ANKRD45: variants seen among roughly 807,000 people sequenced by gnomAD.
The protein encoded by ANKRD45 is ankyrin repeat domain 45, also known as ankyrin repeat domain-containing protein 45.
A neutral mutation model predicts 28.1 loss-of-function variants in ANKRD45; 21 were observed. That is an observed-to-expected ratio of 0.75 (90% confidence interval 0.53 to 1.08). The LOEUF is 1.08. Among genes scored for constraint, ANKRD45 ranks in the 50% least tolerant of loss-of-function variants. ANKRD45 has a pLI of 0.00. For missense variants in ANKRD45, 261 were observed against 308.7 expected, an observed-to-expected ratio of 0.85 and a Z score of 1.16; for synonymous variants, 86 against 103.9, an observed-to-expected ratio of 0.83 and a Z score of 1.05.
intron 3 of ANKRD45, among the ~76,000 whole-genome samples, chr1:173,640,777 T>C (rs1571735928): frequency 6.6e-6 from 1 of 152,206 alleles, no homozygotes. Context: ...GAGACACCAA[T>C]TGTCTGCTCC....
chr1:173,613,286 T>A (rs1571675444), intron 5 of ANKRD45, among the ~76,000 whole-genome samples: 1 of 147,966 alleles, frequency 6.8e-6, no homozygotes, highest in East Asian at 2.1e-4. Flanking sequence ...GGCCGCCCCG[T>A]CTGAGAAGCG....
chr1:173,623,263 G>C (rs761936949), intron 5 of ANKRD45, among the ~76,000 whole-genome samples: 1 of 151,694 alleles, frequency 6.6e-6, no homozygotes, highest in African/African-American at 2.4e-5. Context: ...CAGTGGAGGC[G>C]GGGGTTGCAG....
intron 2 of ANKRD45, among the ~76,000 whole-genome samples, chr1:173,655,208 C>T (rs191747302): frequency 2.6e-5 from 4 of 152,022 alleles, no homozygotes; most frequent in South Asian, 2.1e-4. Flanking sequence ...CTTTTCTGCT[C>T]GGTTTCTCCC....
intron 1 of ANKRD45, among the ~76,000 whole-genome samples, chr1:173,666,171 G>A (rs1433371859): frequency 1.3e-5 from 2 of 152,144 alleles, no homozygotes; most frequent in African/African-American, 4.8e-5. Flanking sequence ...TTCAAGCTGG[G>A]CATCTACCTT....
chr1:173,674,543 C>T (rs13313018), upstream of ANKRD45, among the ~76,000 whole-genome samples: 2,113 of 152,118 alleles, frequency 0.014, 53 homozygotes, highest in African/African-American at 0.049. Flanking sequence ...TGGTTTTATA[C>T]GTTTTAAGAA....
upstream of ANKRD45, among the ~76,000 whole-genome samples, chr1:173,673,957 C>T (rs540986661): frequency 6.6e-6 from 1 of 152,246 alleles, no homozygotes; most frequent in African/African-American, 2.4e-5. Flanking sequence ...TGGTTTTCAC[C>T]TGCTGGTCCC....
At position 173,609,348 on chromosome 1, in the gene ANKRD45, C is replaced by A. The variant is rs1388059185; in HGVS notation, c.*797G>T. 1.3e-5 allele frequency among the ~76,000 whole-genome samples: 2 copies of A among 152,302 alleles called. No homozygotes were observed. Among genetic ancestry groups the A allele is most frequent in the Admixed American group, 6.5e-5 (1 of 15,296 alleles). ...ATAAGTGCTTTTTAAAAACCATCTTCTTTTCTATAAAACTTTTCCATAAAG... is the reference window on the plus strand; with the variant it reads ...ATAAGTGCTTTTTAAAAACCATCTTATTTTCTATAAAACTTTTCCATAAAG... On this transcript the variant is annotated 3_prime_UTR_variant, in exon 6 of 6. Transcript: ENST00000333279.
At chr1:173,626,453 T>G (rs944498919) in intron 4 of ANKRD45, among the ~76,000 whole-genome samples, 3 of 152,172 alleles carry the variant, frequency 2.0e-5, no homozygotes, top group Non-Finnish European at 4.4e-5. Context: ...TTAAATAATA[T>G]GCAATGTATT....
At chr1:173,669,474 CAG>C (rs1019672597) in intron 1 of ANKRD45, 1 of 455,510 alleles carries the variant, frequency 2.2e-6, no homozygotes, top group African/African-American at 2.0e-5. Flanking sequence ...CCTGGGCACA[CAG>C]AGTTAAACAA....
At chr1:173,701,611 T>C in the ANKRD45 span, among the ~76,000 whole-genome samples, 2 of 152,076 alleles carry the variant, frequency 1.3e-5, no homozygotes, top group Admixed American at 6.5e-5. Context: ...TAGTTAGGAA[T>C]TGAACAATAA....
the ANKRD45 span, among the ~76,000 whole-genome samples, chr1:173,676,037 T>C: frequency 6.6e-6 from 1 of 152,230 alleles, no homozygotes; most frequent in Non-Finnish European, 1.5e-5. Context: ...TGACATTCTT[T>C]ACCTACCACA....
At chr1:173,714,107 A>G in the ANKRD45 span, among the ~76,000 whole-genome samples, 28 of 151,080 alleles carry the variant, frequency 1.9e-4, no homozygotes, top group Admixed American at 7.2e-4. Context: ...AGAACAGCTA[A>G]AGAAAATCTG....
chr1:173,685,768 G>T, the ANKRD45 span, among the ~76,000 whole-genome samples: 3 of 152,006 alleles, frequency 2.0e-5, no homozygotes, highest in African/African-American at 7.3e-5. Flanking sequence ...AATCTAATAG[G>T]GTTTGTCCCT....
intron 3 of ANKRD45, among the ~76,000 whole-genome samples, chr1:173,629,700 C>T (rs1053349861): frequency 3.3e-5 from 5 of 151,584 alleles, no homozygotes; most frequent in African/African-American, 1.2e-4. Context: ...AAGTTTCTGG[C>T]CTTAAAGAGG....
chr1:173,649,854 A>G (rs1669103649), intron 2 of ANKRD45, among the ~76,000 whole-genome samples: 1 of 152,180 alleles, frequency 6.6e-6, no homozygotes, highest in African/African-American at 2.4e-5. Context: ...TTCCAGATGA[A>G]TAATAAATAT....
At chr1:173,702,220 A>G in the ANKRD45 span, among the ~76,000 whole-genome samples, 1 of 152,318 alleles carries the variant, frequency 6.6e-6, no homozygotes, top group Admixed American at 6.5e-5. Flanking sequence ...GTGACTAGGT[A>G]GCCTATGATT....
Position 173,610,174 on chromosome 1 carries a change from T to G in ANKRD45, c.772A>C (p.Lys258Gln). ...TTGGAGGTATCATCTTGACTTCTCT[T>G]CTGGTCATGGCTTGTTACAGATTTG... The part of the protein sequence containing the change: ...SAKSVTSHDQ[K>Q]RSQDDTSN Residue 258 changes from lysine (K) to glutamine (Q), a missense_variant, in exon 6 of 6, where the codon AAG becomes CAG. By Grantham distance (53) the Lys-to-Gln change is moderately conservative. Coordinates refer to ENST00000333279, the MANE Select transcript of ANKRD45 (RefSeq NM_198493.3). The G allele has an allele frequency of 1.2e-6, 2 of 1,614,194 alleles. No individual in the cohort carries two copies. Among genetic ancestry groups the G allele is most frequent in the Non-Finnish European group, 1.7e-6 (2 of 1,180,020 alleles).
the ANKRD45 span, among the ~76,000 whole-genome samples, chr1:173,689,220 G>A: frequency 6.6e-6 from 1 of 151,998 alleles, no homozygotes; most frequent in African/African-American, 2.4e-5. Flanking sequence ...CTCCCTCTTA[G>A]TTCTGGGATT....
chr1:173,685,690 G>A, the ANKRD45 span, among the ~76,000 whole-genome samples: 1 of 152,106 alleles, frequency 6.6e-6, no homozygotes, highest in South Asian at 2.1e-4. Context: ...TTTCCATTGT[G>A]AGAGGTTTTG....
Sources: gnomAD v4.1 joint callset for allele counts (sites outside exome capture counted in the v4.1 genomes callset) on GRCh38, gnomAD v4.1.1 for gene constraint, MANE v1.5 for transcripts, NCBI Gene and HGNC (gene_info 2026-07-23, HGNC 2026-07-21) for gene names.